Variants in GLRA2 observed in about 807,000 individuals in gnomAD.
GLRA2 encodes glycine receptor alpha 2.
In GLRA2, 11 loss-of-function variants were observed where a neutral mutation model predicts 31.6. The observed-to-expected ratio is 0.35, with a 90% CI of 0.22 to 0.58. The LOEUF (loss-of-function observed/expected upper bound fraction) is 0.58, where lower values mean the gene tolerates loss of function less well. Ranked by LOEUF, GLRA2 falls within the 20% of genes least tolerant of loss-of-function variation. GLRA2 has a pLI of 0.84. For missense variants in GLRA2, 212 were observed against 351.8 expected, an observed-to-expected ratio of 0.60 and a Z score of 3.18; for synonymous variants, 132 against 134.0, an observed-to-expected ratio of 0.99 and a Z score of 0.10.
At chrX:14,699,697 A>T (rs1451221638) in intron 8 of GLRA2, among the ~76,000 whole-genome samples, 1 of 111,594 alleles carries the variant, frequency 9.0e-6, no homozygotes, top group African/African-American at 3.3e-5. Flanking sequence ...CATAGTACCC[A>T]CTGACTAACT....
At chrX:14,610,353 C>T (rs1329539730) in intron 7 of GLRA2, among the ~76,000 whole-genome samples, 3 of 111,569 alleles carry the variant, frequency 2.7e-5, no homozygotes, top group East Asian at 2.8e-4. Flanking sequence ...GAAATATTTA[C>T]ACAACTTATT....
At chrX:14,564,694 CAT>C (rs1393350379) in intron 2 of GLRA2, among the ~76,000 whole-genome samples, 1 of 111,556 alleles carries the variant, frequency 9.0e-6, no homozygotes, top group African/African-American at 3.2e-5. Context: ...ACAACAAAAA[CAT>C]AAAGGAGAGA....
At chrX:14,606,230 T>C (rs1440609792) in intron 5 of GLRA2, among the ~76,000 whole-genome samples, 1 of 108,010 alleles carries the variant, frequency 9.3e-6, no homozygotes, top group Non-Finnish European at 1.9e-5. Flanking sequence ...TCCTCATCAC[T>C]CTTATCTGAA....
intron 8 of GLRA2, among the ~76,000 whole-genome samples, chrX:14,692,951 C>T (rs1242182751): frequency 9.2e-6 from 1 of 108,886 alleles, no homozygotes; most frequent in African/African-American, 3.3e-5. Context: ...AATAAACAGA[C>T]AAAATCAATC....
chrX:14,556,144 G>T (rs763749460), intron 2 of GLRA2, among the ~76,000 whole-genome samples: 1 of 111,880 alleles, frequency 8.9e-6, no homozygotes, highest in South Asian at 3.7e-4. Flanking sequence ...GTGTATATGT[G>T]TGTGTATCCT....
chrX:14,624,212 T>G (rs772362663), intron 7 of GLRA2, among the ~76,000 whole-genome samples: 1 of 111,994 alleles, frequency 8.9e-6, no homozygotes, highest in South Asian at 3.7e-4. Flanking sequence ...TTATCATTTT[T>G]TATTGCATCT....
At chrX:14,610,676 C>T (rs1186068559) in intron 7 of GLRA2, among the ~76,000 whole-genome samples, 1 of 111,995 alleles carries the variant, frequency 8.9e-6, no homozygotes, top group Non-Finnish European at 1.9e-5. Context: ...GATGTACAAA[C>T]ATATATTTTA....
the GLRA2 span, among the ~76,000 whole-genome samples, chrX:14,490,175 C>T: frequency 8.9e-6 from 1 of 111,913 alleles, no homozygotes; most frequent in East Asian, 2.8e-4. Context: ...TGGGATTCAG[C>T]TGTAGGAAGA....
intron 7 of GLRA2, among the ~76,000 whole-genome samples, chrX:14,620,454 A>T (rs2090502757): frequency 9.0e-6 from 1 of 110,726 alleles, no homozygotes; most frequent in Non-Finnish European, 1.9e-5. Context: ...ATGCCAGAAA[A>T]TTAGCACCTT....
At chrX:14,489,690 TAC>T in the GLRA2 span, among the ~76,000 whole-genome samples, 1 of 111,617 alleles carries the variant, frequency 9.0e-6, no homozygotes, top group African/African-American at 3.3e-5. Flanking sequence ...AAGGAGCCCT[TAC>T]CACCTGGCTG....
the GLRA2 span, among the ~76,000 whole-genome samples, chrX:14,493,612 CACATATATACACATATAT>C: frequency 3.2e-5 from 3 of 93,068 alleles, no homozygotes; most frequent in African/African-American, 1.5e-4. Flanking sequence ...TACACATATA[CACATATATACACATATAT>C]ACATATATAC....
the GLRA2 span, among the ~76,000 whole-genome samples, chrX:14,502,641 A>G: frequency 3.6e-5 from 4 of 111,324 alleles, no homozygotes; most frequent in Non-Finnish European, 7.5e-5. Context: ...TAACTGATCA[A>G]TATATAACTT....
chrX:14,469,612 G>A, the GLRA2 span, among the ~76,000 whole-genome samples: 1 of 100,752 alleles, frequency 9.9e-6, no homozygotes, highest in African/African-American at 3.7e-5. Flanking sequence ...ACCAAACACT[G>A]CATATTCTCA....
the GLRA2 span, among the ~76,000 whole-genome samples, chrX:14,456,930 C>A: frequency 1.8e-5 from 2 of 111,870 alleles, no homozygotes; most frequent in African/African-American, 6.5e-5. Flanking sequence ...TGAGGAACTT[C>A]CATACTGTTC....
At chrX:14,537,538 C>T (rs946072152) in intron 2 of GLRA2, among the ~76,000 whole-genome samples, 2 of 111,198 alleles carry the variant, frequency 1.8e-5, no homozygotes, top group Non-Finnish European at 3.8e-5. Flanking sequence ...TCAATAGTAC[C>T]CAAGCCCTTG....
intron 4 of GLRA2, among the ~76,000 whole-genome samples, chrX:14,587,869 A>C (rs1025187871): frequency 9.1e-6 from 1 of 109,619 alleles, no homozygotes; most frequent in African/African-American, 3.3e-5. Flanking sequence ...TTCCAAGGCC[A>C]GTGTCAAGAA....
At chrX:14,551,565 A>T (rs2089565461) in intron 2 of GLRA2, among the ~76,000 whole-genome samples, 1 of 111,518 alleles carries the variant, frequency 9.0e-6, no homozygotes, top group Non-Finnish European at 1.9e-5. Flanking sequence ...ACATTACATG[A>T]CTTTGTCTCT....
chrX:14,505,762 T>A, the GLRA2 span, among the ~76,000 whole-genome samples: 1 of 111,729 alleles, frequency 9.0e-6, no homozygotes, highest in Non-Finnish European at 1.9e-5. Context: ...GAAATGAATA[T>A]AAAAACCAGA....
At chrX:14,477,079 T>C in the GLRA2 span, among the ~76,000 whole-genome samples, 2 of 111,574 alleles carry the variant, frequency 1.8e-5, no homozygotes, top group Admixed American at 1.9e-4. Flanking sequence ...CTCTTGGTCA[T>C]GGTAAGCTGA....
Sources: allele counts gnomAD v4.1 joint callset (sites outside exome capture counted in the v4.1 genomes callset), GRCh38; gene constraint gnomAD v4.1.1; transcripts MANE v1.5; gene names NCBI Gene and HGNC (gene_info 2026-07-23, HGNC 2026-07-21).